Variants in CAPZB observed in about 807,000 individuals in gnomAD.
CAPZB encodes the protein capping actin protein of muscle Z-line subunit beta, also known as F-actin-capping protein subunit beta.
Under a neutral mutation model 38.1 loss-of-function variants are expected in CAPZB, and 2 were observed. The ratio of observed to expected loss-of-function variants is 0.05; its 90% CI spans 0.02 to 0.17. The LOEUF (loss-of-function observed/expected upper bound fraction) is 0.17, where lower values mean the gene tolerates loss of function less well. Among genes scored for constraint, CAPZB ranks in the 10% least tolerant of loss-of-function variants. The probability of loss-of-function intolerance (pLI) is 1.00; values close to 1 mark genes in which losing one functional copy is unlikely to be tolerated. For synonymous variants in CAPZB, 107 were observed against 127.4 expected (o/e 0.84, Z 1.08); for missense variants, 161 against 334.2 (o/e 0.48, Z 4.04).
At chr1:19,484,280 C>T (rs755094050) in intron 1 of CAPZB, 5 of 1,611,058 alleles carry the variant, frequency 3.1e-6, no homozygotes, top group African/African-American at 1.3e-5. Context: ...TTGGGTGCAT[C>T]GTGTCCAGGC....
chr1:19,458,502 C>T (rs925644141), intron 1 of CAPZB, among the ~76,000 whole-genome samples: 1 of 152,100 alleles, frequency 6.6e-6, no homozygotes, highest in Admixed American at 6.5e-5. Context: ...TTACAGGTGC[C>T]TGCCACCAAG....
At chr1:19,411,813 C>A (rs1314037442) in intron 2 of CAPZB, among the ~76,000 whole-genome samples, 1 of 152,188 alleles carries the variant, frequency 6.6e-6, no homozygotes, top group African/African-American at 2.4e-5. Flanking sequence ...GCAAATCATG[C>A]CATTTCTTCC....
intron 1 of CAPZB, among the ~76,000 whole-genome samples, chr1:19,481,903 A>G (rs957596751): frequency 1.3e-5 from 2 of 152,208 alleles, no homozygotes; most frequent in Non-Finnish European, 2.9e-5. Flanking sequence ...AATGTGAGCC[A>G]TGAGGGCAGA....
intron 1 of CAPZB, among the ~76,000 whole-genome samples, chr1:19,442,460 T>C (rs9651024): frequency 0.23 from 35,538 of 152,058 alleles, 4,510 homozygotes; most frequent in Non-Finnish European, 0.28. Flanking sequence ...AAATTCTCTG[T>C]AACAAAAAGT....
At chr1:19,480,021 C>A (rs973878337) in intron 1 of CAPZB, among the ~76,000 whole-genome samples, 76 of 152,202 alleles carry the variant, frequency 5.0e-4, no homozygotes, top group African/African-American at 1.8e-3. Flanking sequence ...CCCAAGCCGA[C>A]TGCAGGCTGG....
chr1:19,375,410 C>T (rs1279676279), intron 4 of CAPZB, among the ~76,000 whole-genome samples: 1 of 152,160 alleles, frequency 6.6e-6, no homozygotes, highest in Non-Finnish European at 1.5e-5. Context: ...CCAGGAAGAG[C>T]CTGGCCCCAC....
At position 19,379,682 on chromosome 1, in the gene CAPZB, C is replaced by T. The variant is rs114860127; in HGVS notation, c.216-1029G>A. Reference sequence around the variant, plus strand: ...AATGAGAACCAGTCTTTTTGCAGCCCAAAAGACTTGCTGTATTTCTTGAAA... The same window carrying T: ...AATGAGAACCAGTCTTTTTGCAGCCTAAAAGACTTGCTGTATTTCTTGAAA... On this transcript the variant is annotated intron_variant, in intron 3 of 8. Coordinates refer to ENST00000264202, the MANE Select transcript of CAPZB (RefSeq NM_004930.5). Among the ~76,000 whole-genome samples the T allele has an allele frequency of 1.5e-3, 231 of 152,218 alleles. 1 individual carries two copies. The highest frequency in any genetic ancestry group is 5.4e-3 in the African/African-American group (225 of 41,530).
chr1:19,370,196 A>G (rs1044995560), intron 4 of CAPZB, among the ~76,000 whole-genome samples: 2 of 152,204 alleles, frequency 1.3e-5, no homozygotes, highest in African/African-American at 4.8e-5. Flanking sequence ...GAATCCCTTC[A>G]GGGCGTGGCC....
chr1:19,449,904 G>A (rs542116174), intron 1 of CAPZB, among the ~76,000 whole-genome samples: 1 of 151,826 alleles, frequency 6.6e-6, no homozygotes, highest in South Asian at 2.1e-4. Context: ...ACTTTGAGGG[G>A]CTGAGTCAGG....
intron 2 of CAPZB, among the ~76,000 whole-genome samples, chr1:19,389,630 G>T (rs759920713): frequency 4.6e-5 from 7 of 152,064 alleles, no homozygotes; most frequent in African/African-American, 1.4e-4. Flanking sequence ...GTTTCACCAC[G>T]TTAGCCAGGA....
chr1:19,362,436 C>T (rs769781430), intron 4 of CAPZB, among the ~76,000 whole-genome samples: 5 of 152,034 alleles, frequency 3.3e-5, no homozygotes, highest in Non-Finnish European at 5.9e-5. Context: ...TGGGTCTCAC[C>T]ATGTTGCCCA....
At chr1:19,353,356 G>A (rs2094002206) in intron 6 of CAPZB, among the ~76,000 whole-genome samples, 1 of 152,180 alleles carries the variant, frequency 6.6e-6, no homozygotes, top group Non-Finnish European at 1.5e-5. Context: ...TTGCTGTAAG[G>A]ACTGTGTAAG....
At chr1:19,442,143 CTGT>C (rs10544931) in intron 1 of CAPZB, among the ~76,000 whole-genome samples, 140,930 of 151,934 alleles carry the variant, frequency 0.93, 65,649 homozygotes, top group Non-Finnish European at 0.97. Flanking sequence ...TTCAATGAGC[CTGT>C]TACATTATTA....
chr1:19,345,059 A>T, intron 7 of CAPZB, 128 bp downstream of exon 7: 1 of 745,622 alleles, frequency 1.3e-6, no homozygotes, highest in Non-Finnish European at 2.3e-6. Flanking sequence ...AAAATCCAAG[A>T]AGCGCTCTGC....
At chr1:19,471,657 G>A (rs940536757) in intron 1 of CAPZB, among the ~76,000 whole-genome samples, 3 of 152,106 alleles carry the variant, frequency 2.0e-5, no homozygotes, top group Admixed American at 6.5e-5. Flanking sequence ...AAGGTCAGGA[G>A]ATCAAGACCA....
chr1:19,393,608 C>T (rs1034431173), intron 2 of CAPZB, among the ~76,000 whole-genome samples: 28 of 152,200 alleles, frequency 1.8e-4, no homozygotes, highest in African/African-American at 6.5e-4. Flanking sequence ...GTCAACAAGG[C>T]GAGCTGCCCC....
chr1:19,406,854 A>T (rs2094335005), intron 2 of CAPZB, among the ~76,000 whole-genome samples: 1 of 152,332 alleles, frequency 6.6e-6, no homozygotes, highest in East Asian at 1.9e-4. Context: ...GCAGACAGCT[A>T]CTACAAGCCA....
At chr1:19,376,673 C>T (rs2094146152) in intron 4 of CAPZB, among the ~76,000 whole-genome samples, 1 of 152,240 alleles carries the variant, frequency 6.6e-6, no homozygotes, top group Admixed American at 6.5e-5. Flanking sequence ...TCCCTGTTAT[C>T]ACTAGCAGCA....
intron 1 of CAPZB, among the ~76,000 whole-genome samples, chr1:19,447,673 T>C (rs2094501253): frequency 6.6e-6 from 1 of 152,118 alleles, no homozygotes; most frequent in South Asian, 2.1e-4. Context: ...ACCTGGGGGA[T>C]GCCAGCCTAA....
Sources: allele counts gnomAD v4.1 joint callset (sites outside exome capture counted in the v4.1 genomes callset), GRCh38; gene constraint gnomAD v4.1.1; transcripts MANE v1.5; gene names NCBI Gene and HGNC (gene_info 2026-07-23, HGNC 2026-07-21).